The following APP variants were observed in gnomAD, a reference collection of about 807,000 sequenced individuals.
The protein encoded by APP is amyloid-beta precursor protein.
A neutral mutation model predicts 101.4 loss-of-function variants in APP; 31 were observed. That is an observed-to-expected ratio of 0.31 (90% CI 0.23 to 0.41). The LOEUF is 0.41. Ranked by LOEUF, APP falls within the 10% of genes least tolerant of loss-of-function variation. The pLI, the probability that APP is intolerant of heterozygous loss-of-function variation, is 1.00. For missense variants in APP, 839 were observed against 1,003.7 expected (o/e 0.84, Z 2.22); for synonymous variants, 366 against 364.4 (o/e 1.00, Z -0.05).
intron 5 of APP, among the ~76,000 whole-genome samples, chr21:26,042,656 C>G (rs918866373): frequency 6.6e-6 from 1 of 152,184 alleles, no homozygotes; most frequent in African/African-American, 2.4e-5. Context: ...AATCTCAACA[C>G]TTTGGGAGGC....
At chr21:26,089,857 G>A (rs1318606632) in intron 3 of APP, 86 bp downstream of exon 3, 3 of 1,591,704 alleles carry the variant, frequency 1.9e-6, no homozygotes, top group African/African-American at 2.7e-5. Flanking sequence ...ACAAGTCTGT[G>A]TATGTGACCT....
chr21:25,930,670 G>A (rs1368734851), intron 13 of APP, among the ~76,000 whole-genome samples: 1 of 152,068 alleles, frequency 6.6e-6, no homozygotes, highest in African/African-American at 2.4e-5. Flanking sequence ...ATATATGATA[G>A]CTCATTTGAA....
intron 13 of APP, chr21:25,946,008 C>G (rs1316375470): frequency 2.4e-6 from 1 of 419,888 alleles, no homozygotes; most frequent in Admixed American, 2.6e-5. Context: ...ACAAATGGTG[C>G]TGGGACACTG....
intron 5 of APP, among the ~76,000 whole-genome samples, chr21:26,046,135 T>C (rs2045599042): frequency 6.7e-6 from 1 of 149,894 alleles, no homozygotes. Context: ...CCACAACACA[T>C]GGGAATTCAA....
At chr21:26,153,646 T>A (rs983579885) in intron 1 of APP, among the ~76,000 whole-genome samples, 3 of 152,190 alleles carry the variant, frequency 2.0e-5, no homozygotes, top group African/African-American at 7.2e-5. Context: ...CTACAAGCCA[T>A]GAATCCTCTA....
chr21:26,109,916 AATAC>A (rs1271721480), intron 2 of APP, among the ~76,000 whole-genome samples: 1 of 152,242 alleles, frequency 6.6e-6, no homozygotes, highest in Admixed American at 6.5e-5. Context: ...TGACACTCAG[AATAC>A]ATAGTCTGTA....
chr21:26,143,196 G>C (rs1336062291), intron 1 of APP, among the ~76,000 whole-genome samples: 1 of 152,192 alleles, frequency 6.6e-6, no homozygotes, highest in African/African-American at 2.4e-5. Flanking sequence ...AAAACTGGCT[G>C]GGTGTGATGG....
At chr21:26,094,009 C>T (rs6516725) in intron 2 of APP, among the ~76,000 whole-genome samples, 1 of 151,428 alleles carries the variant, frequency 6.6e-6, no homozygotes, top group South Asian at 2.1e-4. Flanking sequence ...CCAGCTACTC[C>T]GGAGGCTGAG....
At chr21:26,167,666 T>C (rs1487566526) in intron 1 of APP, among the ~76,000 whole-genome samples, 1 of 152,240 alleles carries the variant, frequency 6.6e-6, no homozygotes, top group Non-Finnish European at 1.5e-5. Context: ...ACCAATATTG[T>C]TGATCACGTT....
intron 13 of APP, among the ~76,000 whole-genome samples, chr21:25,917,924 A>G (rs1045247958): frequency 6.6e-6 from 1 of 152,178 alleles, no homozygotes; most frequent in Non-Finnish European, 1.5e-5. Context: ...TATGAAAAAA[A>G]AAAAAAAAGC....
At chr21:25,889,858 A>AAAC (rs779143733) in intron 17 of APP, among the ~76,000 whole-genome samples, 1 of 152,174 alleles carries the variant, frequency 6.6e-6, no homozygotes. Flanking sequence ...AAAAACAAAG[A>AAAC]AACAACAACA....
chr21:25,981,796 G>T (rs1457684830), intron 9 of APP, among the ~76,000 whole-genome samples: 2 of 139,754 alleles, frequency 1.4e-5, no homozygotes, highest in East Asian at 4.2e-4. Context: ...TCTAAATGTT[G>T]TCTCTGGCTC....
chr21:26,092,616 T>C (rs1015063249), intron 2 of APP, among the ~76,000 whole-genome samples: 1 of 152,224 alleles, frequency 6.6e-6, no homozygotes, highest in African/African-American at 2.4e-5. Context: ...TATGTCATTA[T>C]ACATTTGTCC....
intron 11 of APP, among the ~76,000 whole-genome samples, 185 bp from the exon 12 acceptor site, chr21:25,955,940 G>A (rs1003079915): frequency 2.6e-5 from 4 of 152,054 alleles, no homozygotes; most frequent in Non-Finnish European, 4.4e-5. Flanking sequence ...ACTTAGATCG[G>A]CTGCTTTTCA....
At chr21:25,963,894 A>G (rs577892503) in intron 11 of APP, among the ~76,000 whole-genome samples, 218 of 152,302 alleles carry the variant, frequency 1.4e-3, no homozygotes, top group Non-Finnish European at 2.3e-3. Context: ...TGATCTTTGT[A>G]GTTTAAGGTG....
intron 1 of APP, among the ~76,000 whole-genome samples, chr21:26,154,688 A>G (rs2146354363): frequency 6.6e-6 from 1 of 152,338 alleles, no homozygotes; most frequent in Middle Eastern, 3.4e-3. Context: ...AAGAGATTAG[A>G]AGTTAGAGAA....
intron 17 of APP, among the ~76,000 whole-genome samples, chr21:25,885,893 G>C (rs2037290811): frequency 6.6e-6 from 1 of 152,072 alleles, no homozygotes; most frequent in Non-Finnish European, 1.5e-5. Flanking sequence ...ATTCTATTTG[G>C]GTGACCTTAG....
intron 13 of APP, among the ~76,000 whole-genome samples, chr21:25,930,583 A>T (rs1352673648): frequency 2.7e-5 from 3 of 112,482 alleles, no homozygotes; most frequent in African/African-American, 1.1e-4. Flanking sequence ...GTAATAGCAC[A>T]AATTATATAT....
chr21:26,157,662 T>C (rs756862455), intron 1 of APP, among the ~76,000 whole-genome samples: 21 of 152,230 alleles, frequency 1.4e-4, no homozygotes, highest in Non-Finnish European at 2.5e-4. Context: ...CTGTGACGTA[T>C]CTTCATTTAA....
Sources: gnomAD v4.1 joint callset for allele counts (sites outside exome capture counted in the v4.1 genomes callset) on GRCh38, gnomAD v4.1.1 for gene constraint, MANE v1.5 for transcripts, NCBI Gene and HGNC (gene_info 2026-07-23, HGNC 2026-07-21) for gene names.